The following KALRN variants were observed in gnomAD, a reference collection of about 807,000 sequenced individuals.
KALRN encodes the protein kalirin.
KALRN carries 70 observed loss-of-function variants against 353.7 expected under a neutral mutation model. That is an observed-to-expected ratio of 0.20 (90% CI 0.16 to 0.24). The LOEUF is 0.24. Ranked by LOEUF, KALRN falls within the 10% of genes least tolerant of loss-of-function variation. The pLI is 1.00. For synonymous variants in KALRN, 1,391 were observed against 1,434.8 expected (o/e 0.97, Z 0.69); for missense variants, 2,791 against 3,756.7 (o/e 0.74, Z 6.72).
chr3:124,355,732 T>TTTTTTTTTTA (rs2083326090), intron 10 of KALRN, among the ~76,000 whole-genome samples: 7 of 105,556 alleles, frequency 6.6e-5, no homozygotes, highest in Admixed American at 2.1e-4. Flanking sequence ...TTTTTTTTTT[T>TTTTTTTTTTA]TGAGACAGAG....
intron 1 of KALRN, among the ~76,000 whole-genome samples, chr3:124,050,613 G>A (rs1379476513): frequency 6.6e-6 from 1 of 152,128 alleles, no homozygotes; most frequent in Admixed American, 6.5e-5. Context: ...TATATATAGT[G>A]GAGCCTGAGA....
chr3:124,404,605 A>C (rs573917071), intron 13 of KALRN, among the ~76,000 whole-genome samples: 1 of 152,062 alleles, frequency 6.6e-6, no homozygotes, highest in South Asian at 2.1e-4. Context: ...CTTAAAAAAA[A>C]AAAACTTCAA....
chr3:124,524,607 C>T (rs1294599507), intron 33 of KALRN, among the ~76,000 whole-genome samples: 1 of 152,060 alleles, frequency 6.6e-6, no homozygotes, highest in East Asian at 1.9e-4. Flanking sequence ...TAAGAGAAAA[C>T]AGGTTGAGTT....
intron 37 of KALRN, among the ~76,000 whole-genome samples, chr3:124,644,949 T>C (rs149803909): frequency 0.24 from 36,530 of 152,186 alleles, 4,676 homozygotes; most frequent in East Asian, 0.43. Context: ...ACCAACAGTG[T>C]AAAAGTGTTC....
chr3:124,173,106 G>T (rs750935841), intron 1 of KALRN, among the ~76,000 whole-genome samples: 1 of 152,104 alleles, frequency 6.6e-6, no homozygotes, highest in Non-Finnish European at 1.5e-5. Flanking sequence ...TGATTGGGGG[G>T]TGGGGATGGT....
At chr3:124,069,108 A>G (rs1272990706) in intron 1 of KALRN, among the ~76,000 whole-genome samples, 1 of 152,172 alleles carries the variant, frequency 6.6e-6, no homozygotes, top group Non-Finnish European at 1.5e-5. Flanking sequence ...GCATTTTCAC[A>G]AATATCTCAT....
intron 32 of KALRN, among the ~76,000 whole-genome samples, chr3:124,495,706 G>A (rs1199223951): frequency 7.1e-6 from 1 of 140,348 alleles, no homozygotes. Flanking sequence ...TTCCAGCCTG[G>A]GTGACAGAAT....
At chr3:124,286,766 T>C (rs1024676216) in intron 5 of KALRN, among the ~76,000 whole-genome samples, 1 of 152,238 alleles carries the variant, frequency 6.6e-6, no homozygotes, top group Non-Finnish European at 1.5e-5. Flanking sequence ...TTTTTTAAGA[T>C]GTCAATCATA....
chr3:124,182,185 G>A (rs1489989535), intron 1 of KALRN, among the ~76,000 whole-genome samples: 1 of 152,212 alleles, frequency 6.6e-6, no homozygotes, highest in Non-Finnish European at 1.5e-5. Flanking sequence ...GTTATTTATT[G>A]CTGTGTAACA....
rs978478178 is a variant in KALRN at position 124,513,011 on chromosome 3, C to G, written c.4935+16598C>G. On this transcript the variant is annotated intron_variant, in intron 33 of 59. Coordinates refer to ENST00000682506, the MANE Select transcript of KALRN (RefSeq NM_001388419.1). ...GGACGAGCAGGTGCCTAGCAGAGAA[C>G]AGGGTGATCCGCTCTCAGGACCTTG... Among the ~76,000 whole-genome samples, 3 of 152,138 alleles carry G rather than the reference C, an allele frequency of 2.0e-5. No individual in the cohort carries two copies. The South Asian group carries it at 6.2e-4, about 32-fold the overall frequency.
intron 47 of KALRN, 114 bp from the exon 48 acceptor site, chr3:124,671,546 G>A (rs1290913176): frequency 2.7e-5 from 19 of 710,434 alleles, no homozygotes; most frequent in Non-Finnish European, 4.2e-5. Context: ...AACAAGGGTA[G>A]TGTTTTTCTC....
At chr3:124,186,195 T>G (rs1252484429) in intron 1 of KALRN, among the ~76,000 whole-genome samples, 1 of 152,148 alleles carries the variant, frequency 6.6e-6, no homozygotes, top group Non-Finnish European at 1.5e-5. Flanking sequence ...AGCAATGCCC[T>G]TAGAATAATG....
At chr3:124,060,100 C>T (rs1365391912) in intron 1 of KALRN, among the ~76,000 whole-genome samples, 2 of 152,190 alleles carry the variant, frequency 1.3e-5, no homozygotes, top group Admixed American at 6.5e-5. Context: ...TCAAGGGACT[C>T]TTTCTCTCCA....
intron 10 of KALRN, among the ~76,000 whole-genome samples, chr3:124,362,909 A>T (rs2084218412): frequency 6.6e-6 from 1 of 152,198 alleles, no homozygotes; most frequent in African/African-American, 2.4e-5. Flanking sequence ...CAGCTAAGAG[A>T]ATAGGATTAT....
At chr3:124,227,631 C>T (rs1472554293) in intron 1 of KALRN, among the ~76,000 whole-genome samples, 1 of 146,552 alleles carries the variant, frequency 6.8e-6, no homozygotes, top group African/African-American at 2.5e-5. Flanking sequence ...TAAAAGTCCC[C>T]CGGCTTCAAG....
intron 10 of KALRN, among the ~76,000 whole-genome samples, chr3:124,368,222 G>A (rs1227968963): frequency 1.4e-5 from 2 of 139,806 alleles, no homozygotes; most frequent in Non-Finnish European, 3.1e-5. Context: ...CGGACAGCAC[G>A]GCTGGCCAGG....
intron 3 of KALRN, among the ~76,000 whole-genome samples, chr3:124,249,107 G>T (rs1188925397): frequency 2.0e-5 from 3 of 152,188 alleles, no homozygotes; most frequent in East Asian, 1.9e-4. Flanking sequence ...ATTGCACATT[G>T]GTTCAGATTT....
intron 6 of KALRN, among the ~76,000 whole-genome samples, chr3:124,323,212 G>A (rs947714487): frequency 6.6e-6 from 1 of 152,126 alleles, no homozygotes; most frequent in Non-Finnish European, 1.5e-5. Context: ...GACTGTGGAG[G>A]ACTGCCAGCC....
intron 34 of KALRN, among the ~76,000 whole-genome samples, chr3:124,614,289 G>A (rs2078315737): frequency 7.3e-6 from 1 of 136,056 alleles, no homozygotes; most frequent in African/African-American, 2.8e-5. Flanking sequence ...TATTTATTGA[G>A]ACAGGGTCTC....
Sources: allele counts gnomAD v4.1 joint callset (sites outside exome capture counted in the v4.1 genomes callset), GRCh38; gene constraint gnomAD v4.1.1; transcripts MANE v1.5; gene names NCBI Gene and HGNC (gene_info 2026-07-23, HGNC 2026-07-21).